BMPR1A: variants seen among roughly 807,000 people sequenced by gnomAD.
BMPR1A encodes the protein bone morphogenetic protein receptor type 1A.
A neutral mutation model predicts 66.0 loss-of-function variants in BMPR1A; 7 were observed. The ratio of observed to expected loss-of-function variants is 0.11; its 90% CI spans 0.06 to 0.20. The LOEUF (loss-of-function observed/expected upper bound fraction) is 0.20, where lower values mean the gene tolerates loss of function less well. Among genes scored for constraint, BMPR1A ranks in the 10% least tolerant of loss-of-function variants. BMPR1A has a pLI of 1.00. For synonymous variants in BMPR1A, 200 were observed against 229.7 expected (o/e 0.87, Z 1.17); for missense variants, 408 against 669.1 (o/e 0.61, Z 4.31).
chr10:86,794,759 A>T (rs552748607), intron 1 of BMPR1A, among the ~76,000 whole-genome samples: 184 of 152,140 alleles, frequency 1.2e-3, no homozygotes, highest in African/African-American at 4.3e-3. Flanking sequence ...GAGAATTAAA[A>T]GTAATGACTT....
intron 1 of BMPR1A, among the ~76,000 whole-genome samples, chr10:86,790,615 A>AG (rs1448365925): frequency 1.3e-5 from 2 of 152,230 alleles, no homozygotes; most frequent in African/African-American, 4.8e-5. Context: ...ACCCATGAAA[A>AG]GAAATGAAGT....
chr10:86,790,741 G>A (rs1043363628), intron 1 of BMPR1A, among the ~76,000 whole-genome samples: 4 of 152,230 alleles, frequency 2.6e-5, no homozygotes, highest in African/African-American at 9.6e-5. Flanking sequence ...GTCCGGAAAA[G>A]GTAAGTCCAC....
chr10:86,759,645 A>G (rs1841000142), intron 1 of BMPR1A, among the ~76,000 whole-genome samples: 1 of 152,202 alleles, frequency 6.6e-6, no homozygotes. Flanking sequence ...ACTGTGGGGC[A>G]ATTCTGAATT....
intron 1 of BMPR1A, among the ~76,000 whole-genome samples, chr10:86,800,931 C>A (rs1476664825): frequency 6.6e-6 from 1 of 152,154 alleles, no homozygotes; most frequent in Non-Finnish European, 1.5e-5. Context: ...GGAAAATAAT[C>A]TTCACGTACT....
chr10:86,875,353 AC>A (rs11292995), intron 2 of BMPR1A, among the ~76,000 whole-genome samples: 152,189 of 152,202 alleles, frequency 1, 76,088 homozygotes, highest in Non-Finnish European at 1. Context: ...AGCCTGGGCG[AC>A]CGAGCAAAAC....
rs146506570 is a variant in BMPR1A, at chr10:86,898,635, C to G, written c.334-1159C>G. Among the ~76,000 whole-genome samples, 45 of 152,308 alleles carry G rather than the reference C, an allele frequency of 3.0e-4. 1 individual carries two copies. In the East Asian group the frequency reaches 8.1e-3, roughly 27 times the overall value. Reference sequence around the variant, plus strand: ...ATCCACTGTCATGTCAGCAGTACATCTGTTGCTTGGAGAAACCCCATGCTG... The same window carrying G: ...ATCCACTGTCATGTCAGCAGTACATGTGTTGCTTGGAGAAACCCCATGCTG... On this transcript the variant is annotated intron_variant, in intron 5 of 12. Coordinates refer to ENST00000372037, the MANE Select transcript of BMPR1A (RefSeq NM_004329.3).
At chr10:86,837,889 A>G (rs1002866364) in intron 1 of BMPR1A, among the ~76,000 whole-genome samples, 1 of 152,192 alleles carries the variant, frequency 6.6e-6, no homozygotes, top group Non-Finnish European at 1.5e-5. Context: ...GCTACCTGAT[A>G]TGCTAGACCG....
chr10:86,898,575 C>T (rs1843262713), intron 5 of BMPR1A, among the ~76,000 whole-genome samples: 1 of 152,190 alleles, frequency 6.6e-6, no homozygotes, highest in Non-Finnish European at 1.5e-5. Flanking sequence ...AAAAACAAGA[C>T]AGGAGTTGAA....
intron 1 of BMPR1A, among the ~76,000 whole-genome samples, chr10:86,760,254 T>C (rs1220524953): frequency 2.6e-5 from 3 of 114,776 alleles, no homozygotes; most frequent in South Asian, 5.8e-4. Context: ...CTTTCTTTTT[T>C]TTTTTTTTTT....
intron 1 of BMPR1A, among the ~76,000 whole-genome samples, chr10:86,804,746 T>A (rs1841863333): frequency 6.6e-6 from 1 of 151,762 alleles, no homozygotes; most frequent in South Asian, 2.1e-4. Context: ...GTATGTCTCA[T>A]GTCTATAAAA....
intron 1 of BMPR1A, among the ~76,000 whole-genome samples, chr10:86,802,816 AAAG>A (rs774936303): frequency 6.6e-6 from 1 of 152,106 alleles, no homozygotes; most frequent in African/African-American, 2.4e-5. Context: ...TAAAAAAAAA[AAAG>A]GAGTTAATTG....
chr10:86,866,569 T>C (rs894631467), intron 2 of BMPR1A, among the ~76,000 whole-genome samples: 8 of 151,780 alleles, frequency 5.3e-5, no homozygotes, highest in Admixed American at 4.6e-4. Context: ...CCACCACGCC[T>C]GGCTAATTTT....
At position 86,916,632 on chromosome 10, in the gene BMPR1A, C is replaced by T. The variant is rs76361370; in HGVS notation, c.676-502C>T. Among the ~76,000 whole-genome samples the T allele has an allele frequency of 2.4e-3, 359 of 152,286 alleles. 9 individuals carry two copies. In the East Asian group the frequency reaches 0.064, roughly 27 times the overall value. ...TAATTATTATGACCATTTTTGCAAA[C>T]AGCCAGCCACTTGAATAACCTGTTT... On this transcript the variant is annotated intron_variant, in intron 8 of 12. Transcript: ENST00000372037.
intron 1 of BMPR1A, among the ~76,000 whole-genome samples, chr10:86,766,825 GTT>G (rs1163287108): frequency 0.017 from 2,338 of 134,028 alleles, 65 homozygotes; most frequent in African/African-American, 0.061. Context: ...AGCCAGGATG[GTT>G]TTTTTTTTTT....
rs117736778 is a variant in BMPR1A, at chr10:86,879,393, G to T, written c.67+3308G>T. On this transcript the variant is annotated intron_variant, in intron 3 of 12. Transcript: ENST00000372037. ...TCTTGTGTTAAATCACTGGCAAGGG[G>T]AATGGAACTAAAATTGTTGGATTAG... is the stretch of plus-strand genomic sequence containing the variant. Among the ~76,000 whole-genome samples the T allele has an allele frequency of 6.8e-3, 1,042 of 152,302 alleles. 7 individuals are homozygous for T. The highest frequency in any genetic ancestry group is 0.013 in the Non-Finnish European group (870 of 68,028).
In BMPR1A at chr10:86,908,440, C is replaced by G. The variant is rs186101576; in HGVS notation, c.531-3800C>G. Among the ~76,000 whole-genome samples the G allele has an allele frequency of 5.2e-3, 786 of 152,296 alleles. 2 individuals carry two copies. The highest frequency in any genetic ancestry group is 6.8e-3 in the Middle Eastern group (2 of 294). Reference sequence around the variant, plus strand: ...TGTTGATAGGCAGGAGGTGTTCAGTCTAGTACGAGTCGATTTGGGTTAGGG... The same window carrying G: ...TGTTGATAGGCAGGAGGTGTTCAGTGTAGTACGAGTCGATTTGGGTTAGGG... On this transcript the variant is annotated intron_variant, in intron 7 of 12. Coordinates refer to ENST00000372037, the MANE Select transcript of BMPR1A (RefSeq NM_004329.3).
rs1376904952 is a variant in BMPR1A at position 86,799,468 on chromosome 10, T to TCC, written c.-267-39397_-267-39396insCC. Among the ~76,000 whole-genome samples, 859 of 128,780 alleles carry TCC rather than the reference T, an allele frequency of 6.7e-3. 20 individuals are homozygous for TCC. The highest frequency in any genetic ancestry group is 0.024 in the African/African-American group (768 of 32,680). The allele number at this position is 128,780 out of a possible 152,430, so 84.5% of individuals were successfully genotyped here. On this transcript the variant is annotated intron_variant, in intron 1 of 12. Coordinates refer to ENST00000372037, the MANE Select transcript of BMPR1A (RefSeq NM_004329.3). ...TTGTACATTTTCTTTCTTCCTTCCT[T>TCC]TCTTCCTTCCTTCCTTCCTTCCTTC...
intron 1 of BMPR1A, among the ~76,000 whole-genome samples, chr10:86,797,270 G>A (rs1468819582): frequency 7.4e-6 from 1 of 134,676 alleles, no homozygotes; most frequent in Non-Finnish European, 1.6e-5. Flanking sequence ...TTGCTCTGTT[G>A]TCTGGGCTGG....
Position 86,774,179 on chromosome 10 carries a change from A to G in BMPR1A, c.-268+17260A>G, listed in dbSNP as rs1841310563. Among the ~76,000 whole-genome samples the G allele has an allele frequency of 3.3e-5, 5 of 152,106 alleles. No homozygotes were observed. In the South Asian group the frequency reaches 1.0e-3, roughly 32 times the overall value. ...ATTCATCTTTAAATGAATTGTCCCC[A>G]TTTTCTAGGAGTTATTATCTTTTCT... is the stretch of plus-strand genomic sequence containing the variant. On this transcript the variant is annotated intron_variant, in intron 1 of 12. Coordinates refer to ENST00000372037, the MANE Select transcript of BMPR1A (RefSeq NM_004329.3).
Sources: gnomAD v4.1 joint callset for allele counts (sites outside exome capture counted in the v4.1 genomes callset) on GRCh38, gnomAD v4.1.1 for gene constraint, MANE v1.5 for transcripts, NCBI Gene and HGNC (gene_info 2026-07-23, HGNC 2026-07-21) for gene names.